The following PDXK variants were observed in gnomAD, a reference collection of about 807,000 sequenced individuals.
PDXK encodes the protein epididymis secretory sperm binding protein Li 1a.
A neutral mutation model predicts 43.2 loss-of-function variants in PDXK; 15 were observed. The observed-to-expected ratio is 0.35, with a 90% CI of 0.23 to 0.53. The LOEUF (loss-of-function observed/expected upper bound fraction) is 0.53. PDXK is among the 20% of genes least tolerant of loss of function. The probability of loss-of-function intolerance (pLI) is 0.92; values close to 1 mark genes in which losing one functional copy is unlikely to be tolerated. For synonymous variants in PDXK, 172 were observed against 165.4 expected (o/e 1.04, Z -0.31); for missense variants, 343 against 417.0 (o/e 0.82, Z 1.54).
chr21:43,727,947 A>G (rs934599171), intron 1 of PDXK, among the ~76,000 whole-genome samples: 1 of 152,354 alleles, frequency 6.6e-6, no homozygotes, highest in South Asian at 2.1e-4. Context: ...CTTCTGAGCC[A>G]GCCATGACCT....
chr21:43,750,967 T>TGTGTGTGTGTGTGTGC (rs1439898253), intron 7 of PDXK, among the ~76,000 whole-genome samples: 1 of 128,790 alleles, frequency 7.8e-6, no homozygotes, highest in Admixed American at 7.2e-5. Flanking sequence ...TGTGCATGTG[T>TGTGTGTGTGTGTGTGC]GTGTGTGTGT....
rs114716060 is a variant in PDXK at position 43,741,596 on chromosome 21, G to C, written c.143-71G>C. 3.8e-3 allele frequency: 5,952 copies of C among 1,585,146 alleles called. 202 individuals carry two copies. The African/African-American group carries it at 0.07, about 19-fold the overall frequency. The stretch of plus-strand genomic sequence containing the variant: ...AGGCAGCCTCAGGGAGAGTGGGCGG[G>C]TGTCAAGGGAAGCCCACGGCCCCAG... On this transcript the variant is annotated intron_variant, in intron 2 of 10. Transcript: ENST00000291565.
chr21:43,729,973 A>C (rs1255304195), intron 1 of PDXK, among the ~76,000 whole-genome samples: 3 of 152,024 alleles, frequency 2.0e-5, no homozygotes, highest in African/African-American at 7.3e-5. Context: ...AAAACAAAAA[A>C]AACAAAAAAC....
At chr21:43,751,256 A>G (rs1000928560) in intron 7 of PDXK, among the ~76,000 whole-genome samples, 21 of 152,232 alleles carry the variant, frequency 1.4e-4, no homozygotes, top group African/African-American at 4.6e-4. Context: ...TTTATAAAAA[A>G]CAGAACTTTT....
intron 7 of PDXK, among the ~76,000 whole-genome samples, chr21:43,751,122 C>G (rs2083743863): frequency 6.6e-6 from 1 of 152,210 alleles, no homozygotes; most frequent in Non-Finnish European, 1.5e-5. Flanking sequence ...GCCCAAGGTG[C>G]AGTTTCTTCA....
intron 6 of PDXK, 97 bp downstream of exon 6, chr21:43,749,177 T>C (rs2083691435): frequency 3.0e-6 from 2 of 657,478 alleles, no homozygotes; most frequent in East Asian, 6.2e-5. Flanking sequence ...CGATCACAGC[T>C]CACTGCAACC....
intron 3 of PDXK, among the ~76,000 whole-genome samples, chr21:43,743,071 T>C (rs1240029668): frequency 0.049 from 3,464 of 70,794 alleles, no homozygotes; most frequent in Middle Eastern, 0.16. Context: ...CCCCAGCTCC[T>C]GAGCACTGTG....
chr21:43,726,989 CATGT>C (rs1463427328), intron 1 of PDXK, among the ~76,000 whole-genome samples: 2 of 152,204 alleles, frequency 1.3e-5, no homozygotes, highest in East Asian at 1.9e-4. Flanking sequence ...CATGGGCATG[CATGT>C]GTGTGTATGC....
rs1463319251 is a variant in PDXK, at chr21:43,756,209, G to A, written c.*146G>A. ...TGTCCGGCATCTGCTGGTCTTCATT[G>A]TGAAACGTGCCAGTCGTGCTTTGTG... On this transcript the variant is annotated 3_prime_UTR_variant, in exon 11 of 11. Coordinates refer to ENST00000291565, the MANE Select transcript of PDXK (RefSeq NM_003681.5). The A allele has an allele frequency of 2.3e-5, 13 of 574,318 alleles. No homozygotes were observed. Among genetic ancestry groups the A allele is most frequent in the Non-Finnish European group, 4.0e-5 (13 of 321,818 alleles). The allele number at this position is 574,318 out of a possible 1,614,324, so 35.6% of individuals were successfully genotyped here.
At chr21:43,750,478 C>T in intron 6 of PDXK, 22 bp from the exon 7 acceptor site, 2 of 1,603,480 alleles carry the variant, frequency 1.2e-6, no homozygotes, top group South Asian at 2.2e-5. Context: ...TCCCCACCCG[C>T]CTGTCCCCGC....
intron 1 of PDXK, 52 bp downstream of exon 1, chr21:43,719,433 G>A: frequency 6.8e-7 from 1 of 1,470,672 alleles, no homozygotes; most frequent in Non-Finnish European, 9.1e-7. Flanking sequence ...CGTGACCTTG[G>A]CGGGGCTGCC....
intron 9 of PDXK, chr21:43,755,445 C>T (rs1285613306): frequency 3.6e-6 from 2 of 548,176 alleles, no homozygotes; most frequent in East Asian, 6.1e-5. Context: ...ACGAGGCTGT[C>T]CCTTCTGTGA....
chr21:43,749,088 AT>A lies in PDXK; in HGVS notation c.464+12del, dbSNP rs745917593. ...CAACCAGTTTGAGGCCGAGTAAGTC[AT>A]TTTATTTTATTTTACTTTATTTATT... On this transcript the variant is annotated intron_variant, in intron 6 of 10. Transcript: ENST00000291565. 6.6e-7 allele frequency: 1 copy of A among 1,515,548 alleles called. No homozygotes were observed. Among genetic ancestry groups the A allele is most frequent in the Non-Finnish European group, 9.1e-7 (1 of 1,095,392 alleles). The allele number at this position is 1,515,548 out of a possible 1,614,324, so 93.9% of individuals were successfully genotyped here.
In PDXK at chr21:43,734,740, A is replaced by G. The variant is rs902461433; in HGVS notation, c.142+617A>G. On this transcript the variant is annotated intron_variant, in intron 2 of 10. Coordinates refer to ENST00000291565, the MANE Select transcript of PDXK (RefSeq NM_003681.5). This position sits in a 1 kb window ranked among gnomAD's most constrained non-coding sequence, Gnocchi z 5.0. The stretch of plus-strand genomic sequence containing the variant: ...AAGCCCCTCACAGGCCATGCTTTCC[A>G]TGCCCCCAGCCCCATGGCCTGGGGG... Among the ~76,000 whole-genome samples the G allele has an allele frequency of 1.3e-5, 2 of 151,536 alleles. No individual in the cohort carries two copies. Among genetic ancestry groups the G allele is most frequent in the Non-Finnish European group, 2.9e-5 (2 of 67,886 alleles).
intron 1 of PDXK, among the ~76,000 whole-genome samples, chr21:43,729,739 A>G (rs1357456082): frequency 1.3e-5 from 2 of 152,196 alleles, no homozygotes; most frequent in East Asian, 1.9e-4. Context: ...CCGGAGTTCA[A>G]GACCAGCCTG....
In PDXK at chr21:43,734,370, C is replaced by T. The variant is rs368090621; in HGVS notation, c.142+247C>T. 6.6e-6 allele frequency among the ~76,000 whole-genome samples: 1 copy of T among 151,836 alleles called. No individual in the cohort carries two copies. The highest frequency in any genetic ancestry group is 1.5e-5 in the Non-Finnish European group (1 of 67,940). ...CTTGGCTGCTTTGAGGCTGTGTGACCCAGTGCAGGTGGCAGAACCTCTCGG... is the reference window on the plus strand; with the variant it reads ...CTTGGCTGCTTTGAGGCTGTGTGACTCAGTGCAGGTGGCAGAACCTCTCGG... On this transcript the variant is annotated intron_variant, in intron 2 of 10. Coordinates refer to ENST00000291565, the MANE Select transcript of PDXK (RefSeq NM_003681.5). This position sits in a 1 kb window ranked among gnomAD's most constrained non-coding sequence, Gnocchi z 5.0.
In PDXK at chr21:43,719,220, G is replaced by GC. The variant is rs1168042281; in HGVS notation, c.-73dup. On this transcript the variant is annotated 5_prime_UTR_variant, in exon 1 of 11. Coordinates refer to ENST00000291565, the MANE Select transcript of PDXK (RefSeq NM_003681.5). Reference sequence around the variant, plus strand: ...AGCCGGGGCCGGAGCCCGAGCCCGAGCCGAGCCGGAGCCCGAGCGAGCGGC... The same window carrying GC: ...AGCCGGGGCCGGAGCCCGAGCCCGAGCCCGAGCCGGAGCCCGAGCGAGCGGC... 5 of 845,276 alleles carry GC rather than the reference G, an allele frequency of 5.9e-6. No individual in the cohort carries two copies. Among genetic ancestry groups the GC allele is most frequent in the Non-Finnish European group, 7.9e-6 (5 of 631,778 alleles). 52.4% of individuals were successfully genotyped at this position (845,276 alleles called of 1,614,324 possible). A position where few individuals can be genotyped will look rare whatever the true frequency, so the allele number is the denominator to read the frequency against.
Position 43,761,308 on chromosome 21 carries a change from C to G in PDXK, c.*5245C>G, listed in dbSNP as rs3194230. ...CTGCGGGGCCATTTCTGGTCTTTGT[C>G]CAACAGGAAACCCATTTCTGGTGGG... is the stretch of plus-strand genomic sequence containing the variant. On this transcript the variant is annotated 3_prime_UTR_variant, in exon 11 of 11. Coordinates refer to ENST00000291565, the MANE Select transcript of PDXK (RefSeq NM_003681.5). The G allele has an allele frequency of 0.16, 25,179 of 153,792 alleles. 2,309 individuals are homozygous for G. The highest frequency in any genetic ancestry group is 0.32 in the Middle Eastern group (97 of 300). 9.5% of individuals were successfully genotyped at this position (153,792 alleles called of 1,614,324 possible). A position where few individuals can be genotyped will look rare whatever the true frequency, so the allele number is the denominator to read the frequency against.
rs953255869 is a variant in PDXK at position 43,761,083 on chromosome 21, G to T, written c.*5020G>T. ...AAGTTCTTCCTGGAATTTTTCTTTC[G>T]ATTCTGGCAGAATAAACAGGTGTTT... On this transcript the variant is annotated 3_prime_UTR_variant, in exon 11 of 11. Coordinates refer to ENST00000291565, the MANE Select transcript of PDXK (RefSeq NM_003681.5). 1 of 152,044 alleles carries T rather than the reference G, an allele frequency of 6.6e-6. No homozygotes were observed. The highest frequency in any genetic ancestry group is 1.5e-5 in the Non-Finnish European group (1 of 68,028). The allele number at this position is 152,044 out of a possible 1,614,324, so 9.4% of individuals were successfully genotyped here.
Sources: allele counts gnomAD v4.1 joint callset (sites outside exome capture counted in the v4.1 genomes callset), GRCh38; gene constraint gnomAD v4.1.1; non-coding constraint Gnocchi (gnomAD v3.1); transcripts MANE v1.5; gene names NCBI Gene and HGNC (gene_info 2026-07-23, HGNC 2026-07-21).